The following ERBB4 variants were observed in gnomAD, a reference collection of about 807,000 sequenced individuals.
ERBB4 encodes receptor tyrosine-protein kinase erbB-4.
ERBB4 carries 42 observed loss-of-function variants against 158.0 expected under a neutral mutation model. The observed-to-expected ratio is 0.27, with a 90% CI of 0.21 to 0.34. The LOEUF is 0.34. Ranked by LOEUF, ERBB4 falls within the 10% of genes least tolerant of loss-of-function variation. The pLI, the probability that ERBB4 is intolerant of heterozygous loss-of-function variation, is 1.00. For synonymous variants in ERBB4, 583 were observed against 558.7 expected, an observed-to-expected ratio of 1.04 and a Z score of -0.61; for missense variants, 1,333 against 1,624.1, an observed-to-expected ratio of 0.82 and a Z score of 3.08.
intron 1 of ERBB4, among the ~76,000 whole-genome samples, chr2:212,505,252 A>G (rs148156033): frequency 0.022 from 3,313 of 152,198 alleles, 98 homozygotes; most frequent in South Asian, 0.079. Flanking sequence ...ACACACCACC[A>G]TGCCTGGCTA....
intron 1 of ERBB4, among the ~76,000 whole-genome samples, chr2:212,270,675 C>T (rs1462217746): frequency 6.6e-6 from 1 of 151,800 alleles, no homozygotes; most frequent in East Asian, 1.9e-4. Context: ...CTCTTGGAGC[C>T]CTAAACCACC....
intron 20 of ERBB4, among the ~76,000 whole-genome samples, chr2:211,431,609 T>C (rs2063750035): frequency 6.6e-6 from 1 of 151,050 alleles, no homozygotes; most frequent in Non-Finnish European, 1.5e-5. Flanking sequence ...TGAAGAATTA[T>C]ACTATTCTTA....
intron 1 of ERBB4, among the ~76,000 whole-genome samples, chr2:212,140,707 T>C (rs1046539447): frequency 1.3e-5 from 2 of 151,396 alleles, no homozygotes; most frequent in African/African-American, 4.8e-5. Flanking sequence ...AGAAACTTTA[T>C]TTTAAAATAT....
At chr2:212,316,273 T>C (rs1180622685) in intron 1 of ERBB4, among the ~76,000 whole-genome samples, 1 of 151,386 alleles carries the variant, frequency 6.6e-6, no homozygotes, top group Non-Finnish European at 1.5e-5. Context: ...CACGCCCACA[T>C]GCATGTACAC....
At chr2:212,261,821 G>A (rs2084956635) in intron 1 of ERBB4, among the ~76,000 whole-genome samples, 2 of 152,012 alleles carry the variant, frequency 1.3e-5, no homozygotes, top group South Asian at 2.1e-4. Flanking sequence ...GTTTCATTTT[G>A]TATTATAAAA....
At chr2:212,362,266 T>C (rs2089716416) in intron 1 of ERBB4, among the ~76,000 whole-genome samples, 1 of 151,384 alleles carries the variant, frequency 6.6e-6, no homozygotes, top group Non-Finnish European at 1.5e-5. Context: ...ACTTTGTAAC[T>C]CAATGGAATG....
intron 16 of ERBB4, among the ~76,000 whole-genome samples, chr2:211,654,278 T>C (rs2071126462): frequency 6.6e-6 from 1 of 152,198 alleles, no homozygotes; most frequent in Non-Finnish European, 1.5e-5. Flanking sequence ...TGTCAAACTT[T>C]CTCATAAACA....
At chr2:211,461,602 G>A (rs893673000) in intron 20 of ERBB4, among the ~76,000 whole-genome samples, 2 of 151,950 alleles carry the variant, frequency 1.3e-5, no homozygotes, top group African/African-American at 4.8e-5. Context: ...CACATATATT[G>A]TGTTTATGGT....
At chr2:211,789,478 G>A (rs1470373230) in intron 3 of ERBB4, among the ~76,000 whole-genome samples, 1 of 152,172 alleles carries the variant, frequency 6.6e-6, no homozygotes, top group Non-Finnish European at 1.5e-5. Flanking sequence ...GAGCAAGCAA[G>A]AGACTTCCTC....
In ERBB4 at chr2:212,356,941, A is replaced by G. The variant is rs1037579990; in HGVS notation, c.82+181508T>C. ...AAACTCTAGATCATATCAATCAAAC[A>G]TAAGTATATTTTCCTCTCATTATCA... is the stretch of plus-strand genomic sequence containing the variant. On this transcript the variant is annotated intron_variant, in intron 1 of 27. Coordinates refer to ENST00000342788, the MANE Select transcript of ERBB4 (RefSeq NM_005235.3). Among the ~76,000 whole-genome samples the G allele has an allele frequency of 3.3e-5, 5 of 152,078 alleles. No individual in the cohort carries two copies. The South Asian group carries it at 8.3e-4, about 25-fold the overall frequency.
At chr2:212,142,990 A>C (rs1197819817) in intron 1 of ERBB4, among the ~76,000 whole-genome samples, 1 of 152,034 alleles carries the variant, frequency 6.6e-6, no homozygotes, top group East Asian at 1.9e-4. Context: ...TGTTAAAAGG[A>C]AACTTTTTGA....
intron 22 of ERBB4, among the ~76,000 whole-genome samples, chr2:211,424,651 C>CTA (rs1559154408): frequency 6.6e-6 from 1 of 152,084 alleles, no homozygotes; most frequent in Non-Finnish European, 1.5e-5. Context: ...AATTCATCTA[C>CTA]TATATATACA....
intron 9 of ERBB4, among the ~76,000 whole-genome samples, chr2:211,706,067 C>T (rs1228219704): frequency 6.6e-6 from 1 of 151,892 alleles, no homozygotes; most frequent in Non-Finnish European, 1.5e-5. Context: ...TTAAAGAAAT[C>T]CACAGTAAGT....
At chr2:211,505,948 A>C (rs987898421) in intron 20 of ERBB4, among the ~76,000 whole-genome samples, 2 of 136,468 alleles carry the variant, frequency 1.5e-5, no homozygotes, top group African/African-American at 2.8e-5. Flanking sequence ...CGATAGAGCG[A>C]GACTCCATCT....
chr2:211,989,388 C>T (rs2082014928), intron 2 of ERBB4, among the ~76,000 whole-genome samples: 1 of 151,828 alleles, frequency 6.6e-6, no homozygotes, highest in Non-Finnish European at 1.5e-5. Flanking sequence ...TTGAATTTTA[C>T]AACTATCAAG....
intron 2 of ERBB4, among the ~76,000 whole-genome samples, chr2:211,948,284 A>G (rs2080761043): frequency 6.6e-6 from 1 of 151,716 alleles, no homozygotes; most frequent in South Asian, 2.1e-4. Context: ...AAAATACAAA[A>G]AATTAGCTGG....
intron 3 of ERBB4, among the ~76,000 whole-genome samples, chr2:211,905,684 A>T (rs2079366399): frequency 7.6e-6 from 1 of 130,894 alleles, no homozygotes; most frequent in African/African-American, 2.9e-5. Flanking sequence ...ATATATATAC[A>T]CACATATATG....
chr2:212,007,846 A>T (rs1343448483), intron 2 of ERBB4, among the ~76,000 whole-genome samples: 1 of 151,994 alleles, frequency 6.6e-6, no homozygotes, highest in Non-Finnish European at 1.5e-5. Flanking sequence ...AAGTTAAAAA[A>T]ATTTAAACAT....
intron 1 of ERBB4, among the ~76,000 whole-genome samples, chr2:212,260,643 T>A (rs1478228117): frequency 2.6e-5 from 4 of 151,986 alleles, no homozygotes; most frequent in Non-Finnish European, 5.9e-5. Flanking sequence ...TGAAACCCCG[T>A]CTCTACTAAA....
Sources: allele counts gnomAD v4.1 joint callset (sites outside exome capture counted in the v4.1 genomes callset), GRCh38; gene constraint gnomAD v4.1.1; transcripts MANE v1.5; gene names NCBI Gene and HGNC (gene_info 2026-07-23, HGNC 2026-07-21).